The following NSG1 variants were observed in gnomAD, a reference collection of about 807,000 sequenced individuals.
The protein encoded by NSG1 is neuronal vesicle trafficking-associated protein 1.
A neutral mutation model predicts 19.3 loss-of-function variants in NSG1; 9 were observed. The ratio of observed to expected loss-of-function variants is 0.47; its 90% CI spans 0.28 to 0.81. The LOEUF (loss-of-function observed/expected upper bound fraction) is 0.81. Ranked by LOEUF, NSG1 falls within the 40% of genes least tolerant of loss-of-function variation. NSG1 has a pLI of 0.11. For missense variants in NSG1, 236 were observed against 242.4 expected (o/e 0.97, Z 0.18); for synonymous variants, 104 against 107.0 (o/e 0.97, Z 0.17).
intron 3 of NSG1, among the ~76,000 whole-genome samples, chr4:4,395,340 G>A (rs1442359599): frequency 1.3e-5 from 2 of 152,282 alleles, no homozygotes; most frequent in East Asian, 1.9e-4. Flanking sequence ...CTGAGTTTTC[G>A]AGCCTTTCCG....
chr4:4,411,640 A>G (rs1276030293), intron 4 of NSG1, among the ~76,000 whole-genome samples: 1 of 152,198 alleles, frequency 6.6e-6, no homozygotes, highest in Non-Finnish European at 1.5e-5. Flanking sequence ...GCTACTCAGG[A>G]GGCTGAGGCA....
intron 3 of NSG1, among the ~76,000 whole-genome samples, chr4:4,408,275 C>A (rs1723974719): frequency 6.6e-6 from 1 of 152,128 alleles, no homozygotes; most frequent in Non-Finnish European, 1.5e-5. Context: ...AGAGTCCCAG[C>A]CCCTCGCATC....
chr4:4,415,356 G>A (rs1724464960), intron 4 of NSG1, among the ~76,000 whole-genome samples: 1 of 152,106 alleles, frequency 6.6e-6, no homozygotes, highest in South Asian at 2.1e-4. Context: ...GAGAAGTTGG[G>A]GAACCTCCCC....
At chr4:4,389,053 C>T (rs1722874174) in intron 2 of NSG1, among the ~76,000 whole-genome samples, 1 of 152,238 alleles carries the variant, frequency 6.6e-6, no homozygotes, top group South Asian at 2.1e-4. Flanking sequence ...CCGAGGCCCC[C>T]ACACCCCCTC....
intron 3 of NSG1, among the ~76,000 whole-genome samples, chr4:4,406,199 T>G (rs1404169902): frequency 3.0e-4 from 46 of 152,248 alleles, no homozygotes; most frequent in African/African-American, 1.1e-3. Context: ...GGCTAATTTT[T>G]TATATTTTTA....
chr4:4,399,443 G>A (rs1434978091), intron 3 of NSG1, among the ~76,000 whole-genome samples: 1 of 145,644 alleles, frequency 6.9e-6, no homozygotes, highest in Non-Finnish European at 1.5e-5. Flanking sequence ...TCACCCAGCC[G>A]TGTTTTTGTT....
At chr4:4,407,456 G>T (rs1398850046) in intron 3 of NSG1, among the ~76,000 whole-genome samples, 1 of 152,154 alleles carries the variant, frequency 6.6e-6, no homozygotes, top group Non-Finnish European at 1.5e-5. Flanking sequence ...CTGGGCTGGG[G>T]TCTCAGGGTC....
At chr4:4,402,390 T>TTTA (rs1723604651) in intron 3 of NSG1, among the ~76,000 whole-genome samples, 1 of 105,926 alleles carries the variant, frequency 9.4e-6, no homozygotes, top group African/African-American at 4.8e-5. Flanking sequence ...TTTTTTTTTT[T>TTTA]TTTTTTTTTT....
intron 4 of NSG1, among the ~76,000 whole-genome samples, chr4:4,413,418 G>A (rs1213455084): frequency 1.3e-5 from 2 of 151,392 alleles, no homozygotes; most frequent in East Asian, 2.0e-4. Context: ...CCCCGTCCAC[G>A]CCCTAGGCTG....
At position 4,404,133 on chromosome 4, in the gene NSG1, C is replaced by A. The variant is rs549374573; in HGVS notation, c.247-5440C>A. On this transcript the variant is annotated intron_variant, in intron 3 of 4. Transcript: ENST00000621129. ...GAGTCACTGCGAATGGCCGCCACCTCTCTTTTTGCATAGCCAACACCGGCC... is the reference window on the plus strand; with the variant it reads ...GAGTCACTGCGAATGGCCGCCACCTATCTTTTTGCATAGCCAACACCGGCC... Among the ~76,000 whole-genome samples, 3 of 152,368 alleles carry A rather than the reference C, an allele frequency of 2.0e-5. No homozygotes were observed. The South Asian group carries it at 6.2e-4, about 32-fold the overall frequency.
At chr4:4,399,501 TGTAAGATATGCTTATATATATATA>T in intron 3 of NSG1, among the ~76,000 whole-genome samples, 1 of 9,450 alleles carries the variant, frequency 1.1e-4, no homozygotes. Flanking sequence ...TATAAGCCCT[TGTAAGATATGCTTATATATATATA>T]AGCCCTTGTA....
intron 3 of NSG1, among the ~76,000 whole-genome samples, chr4:4,402,394 T>TTTTTTA: frequency 9.2e-6 from 1 of 109,182 alleles, no homozygotes; most frequent in African/African-American, 5.1e-5. Flanking sequence ...TTTTTTTTTT[T>TTTTTTA]TTTTTTTTTT....
chr4:4,396,329 C>G (rs909511950), intron 3 of NSG1, among the ~76,000 whole-genome samples: 1 of 152,158 alleles, frequency 6.6e-6, no homozygotes, highest in African/African-American at 2.4e-5. Flanking sequence ...CGCTCCAGCC[C>G]TTCGTGCTTC....
chr4:4,409,626 G>A lies in NSG1; in HGVS notation c.300G>A (p.Leu100=). The A allele has an allele frequency of 6.2e-7, 1 of 1,614,154 alleles. No individual in the cohort carries two copies. The highest frequency in any genetic ancestry group is 8.5e-7 in the Non-Finnish European group (1 of 1,180,028). The change falls in exon 4 of 5, where the codon CTG becomes CTA. Residue 100 remains leucine (L), a synonymous_variant. Coordinates refer to ENST00000621129, the MANE Select transcript of NSG1 (RefSeq NM_014392.5). ...ALAFLTCVVF[L]VVYKVYKYDR... ...CCTTCCTCACCTGCGTCGTCTTCCT[G>A]GTTGTCTACAAGGTGTACAAGTATG...
chr4:4,409,653 C>T lies in NSG1; in HGVS notation c.327C>T (p.Asp109=). ...FLVVYKVYKY[D]RACPDGFVLK... ...TTGTCTACAAGGTGTACAAGTATGA[C>T]CGCGCCTGCCCCGATGGGTTCGTCC... The change falls in exon 4 of 5, where the codon GAC becomes GAT. Residue 109 remains aspartate, a synonymous_variant. Transcript: ENST00000621129. 6.2e-7 allele frequency: 1 copy of T among 1,614,174 alleles called. No individual in the cohort carries two copies. Among genetic ancestry groups the T allele is most frequent in the South Asian group, 1.1e-5 (1 of 91,084 alleles).
At chr4:4,416,201 A>G (rs1676134429) in intron 4 of NSG1, 1 of 702,218 alleles carries the variant, frequency 1.4e-6, no homozygotes, top group Non-Finnish European at 2.6e-6. Context: ...ACGTGAACTC[A>G]GCTGGTACGG....
chr4:4,396,822 G>C (rs77164772), intron 3 of NSG1, among the ~76,000 whole-genome samples: 14,400 of 151,914 alleles, frequency 0.095, 802 homozygotes, highest in African/African-American at 0.15. Context: ...TATTTATGAA[G>C]AGTGATGCCG....
intron 3 of NSG1, among the ~76,000 whole-genome samples, chr4:4,393,946 C>A (rs932250278): frequency 3.9e-5 from 6 of 152,250 alleles, no homozygotes; most frequent in Middle Eastern, 3.2e-3. Flanking sequence ...CGCCCTGTTT[C>A]CAGTGCCTTT....
At chr4:4,404,696 C>T (rs966606399) in intron 3 of NSG1, among the ~76,000 whole-genome samples, 8 of 152,226 alleles carry the variant, frequency 5.3e-5, no homozygotes, top group Non-Finnish European at 1.2e-4. Context: ...ATCCAATGTT[C>T]CAGAATTCTT....
Sources: allele counts gnomAD v4.1 joint callset (sites outside exome capture counted in the v4.1 genomes callset), GRCh38; gene constraint gnomAD v4.1.1; transcripts MANE v1.5; gene names NCBI Gene and HGNC (gene_info 2026-07-23, HGNC 2026-07-21).